The following BCL2L14 variants were observed in gnomAD, a reference collection of about 807,000 sequenced individuals.
The protein encoded by BCL2L14 is apoptosis facilitator Bcl-2-like protein 14.
Under a neutral mutation model 35.3 loss-of-function variants are expected in BCL2L14, and 27 were observed. The ratio of observed to expected loss-of-function variants is 0.76; its 90% CI spans 0.56 to 1.05. BCL2L14 has a LOEUF of 1.05. Ranked by LOEUF, BCL2L14 falls within the 50% of genes least tolerant of loss-of-function variation. The pLI, the probability that BCL2L14 is intolerant of heterozygous loss-of-function variation, is 0.00. For synonymous variants in BCL2L14, 139 were observed against 145.9 expected (o/e 0.95, Z 0.34); for missense variants, 377 against 382.6 (o/e 0.99, Z 0.12).
chr12:12,057,555 C>T (rs966026142), intron 2 of BCL2L14, among the ~76,000 whole-genome samples: 4 of 151,664 alleles, frequency 2.6e-5, no homozygotes, highest in South Asian at 4.2e-4. Flanking sequence ...GTCGGGAGTT[C>T]GAGACCAGCC....
At chr12:12,072,266 G>A (rs547321128) in intron 1 of BCL2L14, 3 of 152,360 alleles carry the variant, frequency 2.0e-5, no homozygotes, top group African/African-American at 7.2e-5. Context: ...ACCTCAACAA[G>A]TGAGTCCGCA....
intron 2 of BCL2L14, among the ~76,000 whole-genome samples, chr12:12,061,335 T>C (rs999216352): frequency 3.3e-5 from 5 of 151,442 alleles, no homozygotes; most frequent in African/African-American, 4.8e-5. Flanking sequence ...CCTTACCATC[T>C]CATTAAAACC....
intron 2 of BCL2L14, among the ~76,000 whole-genome samples, chr12:12,083,706 A>C (rs1414039386): frequency 1.3e-5 from 2 of 152,052 alleles, no homozygotes; most frequent in Admixed American, 6.6e-5. Context: ...GCCCTTTGGG[A>C]GTCTGAGGTG....
At chr12:12,060,902 T>C (rs190358834) in intron 2 of BCL2L14, among the ~76,000 whole-genome samples, 42,499 of 49,304 alleles carry the variant, frequency 0.86, 19,538 homozygotes, top group East Asian at 0.99. Context: ...CCATCACAGA[T>C]GCCGAGCTTT....
rs569906611 is a variant in BCL2L14, at chr12:12,099,653, T to C, written c.*665T>C. 6.6e-6 allele frequency: 1 copy of C among 152,330 alleles called. No individual in the cohort carries two copies. The highest frequency in any genetic ancestry group is 2.1e-4 in the South Asian group (1 of 4,828). 9.4% of individuals were successfully genotyped at this position (152,330 alleles called of 1,614,324 possible). A position where few individuals can be genotyped will look rare whatever the true frequency, so the allele number is the denominator to read the frequency against. On this transcript the variant is annotated 3_prime_UTR_variant, in exon 6 of 6. Transcript: ENST00000308721. ...TCATTCTTTGTGGTAGTACAATGATTGGTAGCAGGTAAAATAAATACATAG... is the reference window on the plus strand; with the variant it reads ...TCATTCTTTGTGGTAGTACAATGATCGGTAGCAGGTAAAATAAATACATAG...
upstream of BCL2L14, among the ~76,000 whole-genome samples, chr12:12,068,659 A>G (rs1948622142): frequency 7.4e-6 from 1 of 135,590 alleles, no homozygotes; most frequent in African/African-American, 2.6e-5. Context: ...ATGCCTGGCT[A>G]ATTAAAAAAA....
At chr12:12,078,653 T>C (rs1948836944) in intron 1 of BCL2L14, among the ~76,000 whole-genome samples, 1 of 152,144 alleles carries the variant, frequency 6.6e-6, no homozygotes. Context: ...GTAGCCCCAA[T>C]ATCCACCCAC....
intron 1 of BCL2L14, among the ~76,000 whole-genome samples, chr12:12,050,814 G>GA (rs764719291): frequency 2.1e-4 from 23 of 111,542 alleles, no homozygotes; most frequent in African/African-American, 8.4e-4. Flanking sequence ...AAAAAAAAAA[G>GA]AAAAGAAAAG....
At chr12:12,065,405 G>A (rs1034447425) in intron 2 of BCL2L14, among the ~76,000 whole-genome samples, 1 of 151,936 alleles carries the variant, frequency 6.6e-6, no homozygotes. Flanking sequence ...GCATGATGGC[G>A]TGCACCTGTA....
chr12:12,067,761 A>G (rs1468706027), upstream of BCL2L14, among the ~76,000 whole-genome samples: 2 of 152,174 alleles, frequency 1.3e-5, no homozygotes, highest in Non-Finnish European at 2.9e-5. Flanking sequence ...AATCGGGAGA[A>G]AAGTGGTTTT....
chr12:12,096,282 A>G, intron 5 of BCL2L14: 3 of 617,682 alleles, frequency 4.9e-6, no homozygotes, highest in Non-Finnish European at 6.1e-6. Flanking sequence ...GCTAGCTCTC[A>G]AAAATCTGTT....
At position 12,094,691 on chromosome 12, in the gene BCL2L14, C is replaced by T; in HGVS notation, c.706C>T (p.His236Tyr). ...GAAGAAAGATAAGGCTTTGATGGGC[C>T]ACTTCCAGGATGGGCTGTCCTACTC... The part of the protein sequence containing the change: ...KLKKDKALMG[H>Y]FQDGLSYSVF... The change falls in exon 5 of 6, where the codon CAC (histidine) becomes TAC (tyrosine). Residue 236 changes from histidine to tyrosine, a missense_variant. Transcript: ENST00000308721. 6.2e-7 allele frequency: 1 copy of T among 1,614,196 alleles called. No homozygotes were observed. The highest frequency in any genetic ancestry group is 1.1e-5 in the South Asian group (1 of 91,082).
intron 2 of BCL2L14, among the ~76,000 whole-genome samples, chr12:12,083,412 A>G (rs1948971271): frequency 6.6e-6 from 1 of 152,206 alleles, no homozygotes; most frequent in African/African-American, 2.4e-5. Flanking sequence ...GAAATGGACA[A>G]TAACACCAGT....
intron 1 of BCL2L14, among the ~76,000 whole-genome samples, chr12:12,078,712 T>C (rs1415229683): frequency 6.6e-6 from 1 of 152,240 alleles, no homozygotes; most frequent in Non-Finnish European, 1.5e-5. Context: ...GCCTCTTTCT[T>C]TGAAGCTCAC....
At chr12:12,069,405 G>T (rs1948631566), upstream of BCL2L14, among the ~76,000 whole-genome samples, 2 of 152,148 alleles carry the variant, frequency 1.3e-5, no homozygotes, top group South Asian at 4.1e-4. Flanking sequence ...CCAAAAAAAG[G>T]TTGCAAGTTT....
intron 1 of BCL2L14, chr12:12,072,105 G>A (rs1948679850): frequency 6.6e-6 from 1 of 152,310 alleles, no homozygotes; most frequent in Non-Finnish European, 1.5e-5. Context: ...TCACCGCTGG[G>A]ACAGGCAGAG....
intron 5 of BCL2L14, chr12:12,096,278 T>G: frequency 1.6e-6 from 1 of 632,202 alleles, no homozygotes; most frequent in Non-Finnish European, 2.0e-6. Flanking sequence ...ACAGGCTAGC[T>G]CTCAAAAATC....
intron 2 of BCL2L14, among the ~76,000 whole-genome samples, chr12:12,064,455 T>C (rs1224079824): frequency 6.6e-6 from 1 of 152,114 alleles, no homozygotes; most frequent in Non-Finnish European, 1.5e-5. Context: ...TATCTCAGTT[T>C]CTTCATATGT....
chr12:12,091,498 G>A (rs894271128), intron 4 of BCL2L14, among the ~76,000 whole-genome samples: 2 of 152,192 alleles, frequency 1.3e-5, no homozygotes, highest in African/African-American at 4.8e-5. Context: ...ACCCACAGAC[G>A]ACTGAGTAGT....
Sources: gnomAD v4.1 joint callset for allele counts (sites outside exome capture counted in the v4.1 genomes callset) on GRCh38, gnomAD v4.1.1 for gene constraint, MANE v1.5 for transcripts, NCBI Gene and HGNC (gene_info 2026-07-23, HGNC 2026-07-21) for gene names.